Variants in VILL observed in about 807,000 individuals in gnomAD.
The protein encoded by VILL is villin like, also known as villin-like protein.
Under a neutral mutation model 106.3 loss-of-function variants are expected in VILL, and 102 were observed. The ratio of observed to expected loss-of-function variants is 0.96; its 90% CI spans 0.82 to 1.13. VILL has a LOEUF of 1.13. VILL is among the 50% of genes most tolerant of loss of function. The probability of loss-of-function intolerance (pLI) is 0.00; values close to 1 mark genes in which losing one functional copy is unlikely to be tolerated. For synonymous variants in VILL, 431 were observed against 440.3 expected (o/e 0.98, Z 0.27); for missense variants, 1,076 against 1,116.6 (o/e 0.96, Z 0.52).
At position 37,994,004 on chromosome 3, in the gene VILL, G is replaced by A; in HGVS notation, c.135+32G>A. 6 of 1,613,150 alleles carry A rather than the reference G, an allele frequency of 3.7e-6. No homozygotes were observed. In the South Asian group the frequency reaches 4.4e-5, roughly 12 times the overall value. On this transcript the variant is annotated intron_variant, in intron 3 of 19. Coordinates refer to ENST00000383759, the MANE Select transcript of VILL (RefSeq NM_015873.4). ...CGCTTGGGGAAGTCTGCCTGAGAGG[G>A]GTGGCATGGCCCGGCACTGGGGAGA...
chr3:37,995,800 C>T lies in VILL; in HGVS notation c.403C>T (p.Gln135Ter). 2 of 1,613,964 alleles carry T rather than the reference C, an allele frequency of 1.2e-6. No homozygotes were observed. Among genetic ancestry groups the T allele is most frequent in the Non-Finnish European group, 1.7e-6 (2 of 1,179,896 alleles). ...TGTGGAGACCAACTTGTTCAACATCCAGCGACTGCTGCACATCAAAGGGAG... is the reference window on the plus strand; with the variant it reads ...TGTGGAGACCAACTTGTTCAACATCTAGCGACTGCTGCACATCAAAGGGAG... ...KHVETNLFNIQRLLHIKGRKH... is the reference protein window; with the variant it reads ...KHVETNLFNI Residue 135 changes from glutamine (Q) to a stop codon, truncating the protein, a stop_gained, in exon 5 of 20, where the codon CAG (glutamine) becomes TAG (stop). Coordinates refer to ENST00000383759, the MANE Select transcript of VILL (RefSeq NM_015873.4). LOFTEE classifies it high-confidence loss of function.
In VILL at chr3:37,997,185, C is replaced by T. The variant is rs142250448; in HGVS notation, c.559C>T (p.Arg187Trp). 14 of 1,613,980 alleles carry T rather than the reference C, an allele frequency of 8.7e-6. No homozygotes were observed. The highest frequency in any genetic ancestry group is 1.3e-5 in the African/African-American group (1 of 75,048). The change falls in exon 6 of 20, where the codon CGG becomes TGG. Residue 187 changes from arginine (R) to tryptophan (W), a missense_variant and splice_region_variant. By Grantham distance (101) the Arg-to-Trp change is moderately radical. Coordinates refer to ENST00000383759, the MANE Select transcript of VILL (RefSeq NM_015873.4). This position sits in a 1 kb window ranked among gnomAD's most constrained non-coding sequence, Gnocchi z 4.7. ...GPKTSISEKARGLALTYSLRD... is the reference protein window; with the variant it reads ...GPKTSISEKAWGLALTYSLRD... ...CAAGACCAGCATTTCTGAGAAGGCT[C>T]GGGTCAGTGTCTGCCCAAGGAACTG...
chr3:38,004,324 C>T lies in VILL; in HGVS notation c.1875C>T (p.Val625=). 6.2e-7 allele frequency: 1 copy of T among 1,613,964 alleles called. No individual in the cohort carries two copies. Among genetic ancestry groups the T allele is most frequent in the South Asian group, 1.1e-5 (1 of 91,084 alleles). The change falls in exon 16 of 20, where the codon GTC becomes GTT. Residue 625 remains valine, a synonymous_variant. Coordinates refer to ENST00000383759, the MANE Select transcript of VILL (RefSeq NM_015873.4). ...GCTCCAGCCACATGGGCTGCCTGGT[C>T]CTCGCAGAAGTGGGGTTCTTCAGCC... ...FECSSHMGCL[V]LAEVGFFSQE... is the part of the protein sequence containing the mutation.
At chr3:38,001,059 G>C (rs1699804543) in intron 11 of VILL, 3 of 471,786 alleles carry the variant, frequency 6.4e-6, no homozygotes, top group African/African-American at 2.0e-5. Context: ...AAATGACACT[G>C]GATAAAAGGG....
Position 37,994,069 on chromosome 3 carries a change from G to A in VILL, c.135+97G>A, listed in dbSNP as rs1699654753. 7.9e-6 allele frequency: 12 copies of A among 1,524,732 alleles called. 2 individuals carry two copies. In the South Asian group the frequency reaches 1.3e-4, roughly 17 times the overall value. 94.5% of individuals were successfully genotyped at this position (1,524,732 alleles called of 1,614,324 possible). On this transcript the variant is annotated intron_variant, in intron 3 of 19. Coordinates refer to ENST00000383759, the MANE Select transcript of VILL (RefSeq NM_015873.4). ...TAAACTCTGCCCTGGGAAGCGGCAA[G>A]TTGAGAGCCGGAGAATCACATCCCA...
chr3:38,006,277 C>A, intron 18 of VILL, 25 bp downstream of exon 18: 1 of 1,614,010 alleles, frequency 6.2e-7, no homozygotes, highest in South Asian at 1.1e-5. Context: ...CCCTAGCCTT[C>A]CCCACAGTGG....
chr3:37,997,998 T>C lies in VILL; in HGVS notation c.765-92T>C. 7.6e-7 allele frequency: 1 copy of C among 1,315,888 alleles called. No homozygotes were observed. The highest frequency in any genetic ancestry group is 1.0e-6 in the Non-Finnish European group (1 of 955,660). The allele number at this position is 1,315,888 out of a possible 1,614,324, so 81.5% of individuals were successfully genotyped here. On this transcript the variant is annotated intron_variant, in intron 7 of 19. Transcript: ENST00000383759. The surrounding 1 kb of genome is among the most constrained non-coding windows in gnomAD (Gnocchi z 4.7). ...CCCCAGCCCCCATGCCTTCTGTCTC[T>C]GAGGGACTGGGGTGGGGTCCTAAAT...
In VILL at chr3:37,997,760, G is replaced by C; in HGVS notation, c.764+75G>C. On this transcript the variant is annotated intron_variant, in intron 7 of 19. Coordinates refer to ENST00000383759, the MANE Select transcript of VILL (RefSeq NM_015873.4). The surrounding 1 kb of genome is among the most constrained non-coding windows in gnomAD (Gnocchi z 4.7). ...GTGTCCATCACTACTGCAATAACAC[G>C]GCATCTCTAGAAGGCCCTCCAGCAA... 4 of 1,481,090 alleles carry C rather than the reference G, an allele frequency of 2.7e-6. No homozygotes were observed. The highest frequency in any genetic ancestry group is 2.7e-6 in the Non-Finnish European group (3 of 1,099,794). 91.7% of individuals were successfully genotyped at this position (1,481,090 alleles called of 1,614,324 possible).
chr3:38,004,884 A>G (rs1479248893), intron 16 of VILL, among the ~76,000 whole-genome samples: 1 of 152,136 alleles, frequency 6.6e-6, no homozygotes, highest in Non-Finnish European at 1.5e-5. Context: ...ACTGGTGAAA[A>G]TGTGTCTGTG....
chr3:38,006,086 G>A (rs374165637), intron 17 of VILL, 95 bp from the exon 18 acceptor site: 54 of 1,600,892 alleles, frequency 3.4e-5, no homozygotes, highest in African/African-American at 5.3e-5. Flanking sequence ...CAGTGTGTGC[G>A]AGAGACCTGG....
At chr3:38,002,063 A>G in intron 13 of VILL, 1 of 848,422 alleles carries the variant, frequency 1.2e-6, no homozygotes, top group East Asian at 2.7e-5. Context: ...CCAGATGAGG[A>G]ATTTGAGTTG....
At position 38,005,910 on chromosome 3, in the gene VILL, A is replaced by C. The variant is rs758410683; in HGVS notation, c.2069A>C (p.Lys690Thr). Reference sequence around the variant, plus strand: ...CCGGCCACACCCATCGTGCTGGTCAAGCAGGGCCATGAGCCTCCCACCTTC... The same window carrying C: ...CCGGCCACACCCATCGTGCTGGTCACGCAGGGCCATGAGCCTCCCACCTTC... ...RSPATPIVLV[K>T]QGHEPPTFIG... Residue 690 changes from lysine to threonine, a missense_variant, in exon 17 of 20, where the codon AAG (lysine) becomes ACG (threonine). Physicochemically the swap from Lys to Thr is moderately conservative, Grantham distance 78. Coordinates refer to ENST00000383759, the MANE Select transcript of VILL (RefSeq NM_015873.4). 10 of 1,614,042 alleles carry C rather than the reference A, an allele frequency of 6.2e-6. No individual in the cohort carries two copies. In the African/African-American group the frequency reaches 1.3e-4, roughly 22 times the overall value.
intron 5 of VILL, 138 bp from the exon 6 acceptor site, chr3:37,996,939 A>G: frequency 1.4e-6 from 1 of 697,188 alleles, no homozygotes; most frequent in Admixed American, 2.2e-5. Context: ...TGTGGAATGC[A>G]GCATTATCTA....
chr3:38,003,978 G>C (rs1430603683), intron 15 of VILL: 1 of 353,794 alleles, frequency 2.8e-6, no homozygotes, highest in Non-Finnish European at 5.2e-6. Context: ...CGAGACTCCA[G>C]CTCAGGCCCT....
At chr3:37,996,720 G>T (rs1413638914) in intron 5 of VILL, among the ~76,000 whole-genome samples, 1 of 152,200 alleles carries the variant, frequency 6.6e-6, no homozygotes, top group East Asian at 1.9e-4. Flanking sequence ...TCTCAAAAGT[G>T]TGTCCGTTTG....
intron 5 of VILL, among the ~76,000 whole-genome samples, chr3:37,996,542 T>C (rs182213035): frequency 1.4e-3 from 208 of 152,340 alleles, no homozygotes; most frequent in African/African-American, 4.7e-3. Flanking sequence ...CCTTGAGGTA[T>C]GCAAGTGAGT....
At position 38,007,069 on chromosome 3, in the gene VILL, C is replaced by A. The variant is rs146334364; in HGVS notation, c.*14C>A. On this transcript the variant is annotated 3_prime_UTR_variant, in exon 20 of 20. Transcript: ENST00000383759. ...GGCTTCTTCTGAACCCAAGCCCTCT[C>A]GACTGCCCCTATCCCCTGGACCCCA... is the stretch of plus-strand genomic sequence containing the variant. 7.5e-6 allele frequency: 12 copies of A among 1,606,812 alleles called. No homozygotes were observed. The highest frequency in any genetic ancestry group is 1.0e-5 in the Non-Finnish European group (12 of 1,173,754).
Position 38,007,121 on chromosome 3 carries a change from T to C in VILL, c.*66T>C, listed in dbSNP as rs1699950629. 5 of 1,317,308 alleles carry C rather than the reference T, an allele frequency of 3.8e-6. No homozygotes were observed. The Admixed American group carries it at 8.9e-5, about 24-fold the overall frequency. 81.6% of individuals were successfully genotyped at this position (1,317,308 alleles called of 1,614,324 possible). On this transcript the variant is annotated 3_prime_UTR_variant, in exon 20 of 20. Coordinates refer to ENST00000383759, the MANE Select transcript of VILL (RefSeq NM_015873.4). ...CATACCTACAATGCTGGGGAGGCCC[T>C]GCTTCCACTCCCCTCAGAGGCTTTT...
intron 15 of VILL, chr3:38,003,542 T>C: frequency 1.8e-6 from 1 of 552,362 alleles, no homozygotes; most frequent in Non-Finnish European, 3.2e-6. Flanking sequence ...TGGCGACCTC[T>C]GCTGGCAGCA....
Sources: gnomAD v4.1 joint callset for allele counts (sites outside exome capture counted in the v4.1 genomes callset) on GRCh38, gnomAD v4.1.1 for gene constraint, Gnocchi (gnomAD v3.1) non-coding constraint, MANE v1.5 for transcripts, NCBI Gene and HGNC (gene_info 2026-07-23, HGNC 2026-07-21) for gene names.